The following SPG21 variants were observed in gnomAD, a reference collection of about 807,000 sequenced individuals.
SPG21 encodes the protein maspardin.
A neutral mutation model predicts 38.9 loss-of-function variants in SPG21; 26 were observed. The observed-to-expected ratio is 0.67, with a 90% CI of 0.49 to 0.93. SPG21 has a LOEUF of 0.93. Ranked by LOEUF, SPG21 falls within the 40% of genes least tolerant of loss-of-function variation. SPG21 has a pLI of 0.00. For missense variants in SPG21, 333 were observed against 376.5 expected (o/e 0.88, Z 0.96); for synonymous variants, 136 against 128.9 (o/e 1.05, Z -0.37).
chr15:64,965,396 G>A lies in SPG21; in HGVS notation c.734C>T (p.Ala245Val). 1 of 1,614,112 alleles carries A rather than the reference G, an allele frequency of 6.2e-7. No homozygotes were observed. Among genetic ancestry groups the A allele is most frequent in the Non-Finnish European group, 8.5e-7 (1 of 1,180,018 alleles). Residue 245 changes from alanine (A) to valine (V), a missense_variant, in exon 8 of 9, where the codon GCC becomes GTC. Ala to Val is a moderately conservative substitution (Grantham distance 64, BLOSUM62 0). Coordinates refer to ENST00000204566, the MANE Select transcript of SPG21 (RefSeq NM_016630.7). ...KEEMYKLYPN[A>V]RRAHLKTGGN... ...TCCTGTTTTCAGATGAGCTCTTCGG[G>A]CATTAGGATACAGCTTGTACATTTC...
chr15:64,988,113 T>G (rs956713358), intron 1 of SPG21, among the ~76,000 whole-genome samples: 1 of 150,822 alleles, frequency 6.6e-6, no homozygotes, highest in Non-Finnish European at 1.5e-5. Context: ...TCCCAGCTAC[T>G]TAGGAGGCTG....
chr15:64,989,424 C>G (rs1156921191), intron 1 of SPG21: 1 of 152,708 alleles, frequency 6.5e-6, no homozygotes, highest in Non-Finnish European at 1.5e-5. Context: ...CCCCGCCAGT[C>G]CCACCGGTGA....
chr15:64,970,500 GT>G (rs1014515504), intron 5 of SPG21, among the ~76,000 whole-genome samples: 1 of 151,532 alleles, frequency 6.6e-6, no homozygotes, highest in African/African-American at 2.4e-5. Flanking sequence ...GTCCAAGATT[GT>G]TTTTTTTCTC....
chr15:64,969,965 C>A (rs1390273833), intron 6 of SPG21, 149 bp downstream of exon 6: 1 of 789,016 alleles, frequency 1.3e-6, no homozygotes, highest in East Asian at 2.5e-5. Context: ...TAGGCAAGCC[C>A]TTACCAGCAA....
At chr15:64,978,904 G>T (rs2085833683) in intron 3 of SPG21, among the ~76,000 whole-genome samples, 1 of 152,260 alleles carries the variant, frequency 6.6e-6, no homozygotes, top group Admixed American at 6.5e-5. Context: ...TTTTGCAAAG[G>T]TTCGGCAGAA....
At chr15:64,967,364 C>T (rs1035175347) in intron 7 of SPG21, among the ~76,000 whole-genome samples, 3 of 151,984 alleles carry the variant, frequency 2.0e-5, no homozygotes, top group Admixed American at 1.3e-4. Flanking sequence ...CAGGCTGGAA[C>T]GCAGTGGCAT....
chr15:64,978,125 C>G (rs1176940123), intron 3 of SPG21, among the ~76,000 whole-genome samples: 2 of 151,784 alleles, frequency 1.3e-5, no homozygotes, highest in Non-Finnish European at 2.9e-5. Flanking sequence ...GCCACCGCGC[C>G]TGGCCAAGAA....
Position 64,963,467 on chromosome 15 carries a change from T to C in SPG21, c.*153A>G. The C allele has an allele frequency of 1.5e-6, 1 of 677,410 alleles. No individual in the cohort carries two copies. The highest frequency in any genetic ancestry group is 1.7e-5 in the South Asian group (1 of 59,040). The allele number at this position is 677,410 out of a possible 1,614,324, so 42.0% of individuals were successfully genotyped here. On this transcript the variant is annotated 3_prime_UTR_variant, in exon 9 of 9. Coordinates refer to ENST00000204566, the MANE Select transcript of SPG21 (RefSeq NM_016630.7). ...ACACAGGCTTAGTGGAGATGCCGCC[T>C]GTCATGAAGATGACCATCAGTCCTA...
intron 1 of SPG21, among the ~76,000 whole-genome samples, chr15:64,986,467 C>T (rs11637902): frequency 0.54 from 81,974 of 151,830 alleles, 22,814 homozygotes; most frequent in East Asian, 0.85. Flanking sequence ...AGGTGGATCA[C>T]CTGAGGTGAG....
intron 8 of SPG21, 40 bp from the exon 9 acceptor site, chr15:64,963,776 G>A: frequency 6.3e-7 from 1 of 1,576,562 alleles, no homozygotes; most frequent in Admixed American, 1.7e-5. Context: ...TATTTTTTGA[G>A]CTGGAGTGTC....
rs142839353 is a variant in SPG21 at position 64,963,587 on chromosome 15, C to T, written c.*33G>A. On this transcript the variant is annotated 3_prime_UTR_variant, in exon 9 of 9. Coordinates refer to ENST00000204566, the MANE Select transcript of SPG21 (RefSeq NM_016630.7). ...TGCCACTGACTATACAAGAACACAC[C>T]GGGTCAACTCATCATTGACAGCGAG... is the stretch of plus-strand genomic sequence containing the variant. 1.3e-5 allele frequency: 20 copies of T among 1,554,198 alleles called. No homozygotes were observed. Among genetic ancestry groups the T allele is most frequent in the African/African-American group, 1.1e-4 (8 of 73,842 alleles).
intron 1 of SPG21, among the ~76,000 whole-genome samples, chr15:64,987,983 G>A (rs754944677): frequency 2.6e-5 from 4 of 152,174 alleles, no homozygotes; most frequent in South Asian, 4.1e-4. Flanking sequence ...GCGGTGAGCC[G>A]AGATCACGCC....
At chr15:64,980,536 A>T (rs1275901269) in intron 3 of SPG21, among the ~76,000 whole-genome samples, 1 of 152,130 alleles carries the variant, frequency 6.6e-6, no homozygotes. Flanking sequence ...CAGGAGTTCG[A>T]GACCAGCCTG....
At chr15:64,971,396 G>A (rs533040129) in intron 5 of SPG21, among the ~76,000 whole-genome samples, 15 of 151,914 alleles carry the variant, frequency 9.9e-5, no homozygotes, top group Non-Finnish European at 1.5e-4. Flanking sequence ...AAAATTAGCC[G>A]GGCTTGGTGG....
At position 64,963,526 on chromosome 15, in the gene SPG21, C is replaced by G. The variant is rs1255423815; in HGVS notation, c.*94G>C. 1 of 1,039,354 alleles carries G rather than the reference C, an allele frequency of 9.6e-7. No homozygotes were observed. The highest frequency in any genetic ancestry group is 1.3e-5 in the South Asian group (1 of 77,526). 64.4% of individuals were successfully genotyped at this position (1,039,354 alleles called of 1,614,324 possible). On this transcript the variant is annotated 3_prime_UTR_variant, in exon 9 of 9. Coordinates refer to ENST00000204566, the MANE Select transcript of SPG21 (RefSeq NM_016630.7). ...ACACAGTGAGAACCGGTGAGCCTGA[C>G]GAACCTGAAGGAAAAGGCTGGCTGA...
Position 64,980,935 on chromosome 15 carries a change from CA to C in SPG21, c.153del (p.Val52SerfsTer15), listed in dbSNP as rs2140441397. ...AAAAAGACATCTGCAGTTCCACTGA[CA>C]GGGGGCAGGAATATGAGAGGACACC... ...SIRCPLIFLP[P>X]VSGTADVFFR... On this transcript the variant is annotated frameshift_variant, in exon 3 of 9. Coordinates refer to ENST00000204566, the MANE Select transcript of SPG21 (RefSeq NM_016630.7). LOFTEE classifies it high-confidence loss of function. 6.2e-7 allele frequency: 1 copy of C among 1,614,036 alleles called. No homozygotes were observed. The highest frequency in any genetic ancestry group is 8.5e-7 in the Non-Finnish European group (1 of 1,180,020).
chr15:64,987,844 GGCCAACATGGTGCA>G (rs2086025817), intron 1 of SPG21, among the ~76,000 whole-genome samples: 1 of 152,200 alleles, frequency 6.6e-6, no homozygotes. Flanking sequence ...AGACCAGCCT[GGCCAACATGGTGCA>G]GCCCCGTCTC....
At chr15:64,968,825 A>G (rs1442756977) in intron 7 of SPG21, among the ~76,000 whole-genome samples, 5 of 152,244 alleles carry the variant, frequency 3.3e-5, no homozygotes, top group Non-Finnish European at 2.9e-5. Context: ...TATATGGTGC[A>G]ATATCTATTG....
chr15:64,970,355 G>A (rs1209438908), intron 5 of SPG21, 133 bp from the exon 6 acceptor site: 1 of 738,366 alleles, frequency 1.4e-6, no homozygotes, highest in African/African-American at 1.8e-5. Flanking sequence ...AAAGAGCTCA[G>A]CATCTAGTTT....
Sources: gnomAD v4.1 joint callset for allele counts (sites outside exome capture counted in the v4.1 genomes callset) on GRCh38, gnomAD v4.1.1 for gene constraint, MANE v1.5 for transcripts, NCBI Gene and HGNC (gene_info 2026-07-23, HGNC 2026-07-21) for gene names.